The following ANK3 variants were observed in gnomAD, a reference collection of about 807,000 sequenced individuals.
ANK3 encodes the protein ankyrin 3, also known as ankyrin-3.
Under a neutral mutation model 370.9 loss-of-function variants are expected in ANK3, and 57 were observed. That is an observed-to-expected ratio of 0.15 (90% CI 0.12 to 0.19). The LOEUF is 0.19. ANK3 is among the 10% of genes least tolerant of loss of function. The pLI, the probability that ANK3 is intolerant of heterozygous loss-of-function variation, is 1.00. For missense variants in ANK3, 4,439 were observed against 5,302.1 expected (o/e 0.84, Z 5.06); for synonymous variants, 1,929 against 1,946.3 (o/e 0.99, Z 0.23).
intron 1 of ANK3, among the ~76,000 whole-genome samples, chr10:60,713,929 G>T (rs979243020): frequency 6.6e-6 from 1 of 151,250 alleles, no homozygotes; most frequent in African/African-American, 2.4e-5. Flanking sequence ...ATGGGAAATC[G>T]ATAGAGAATA....
At chr10:60,360,613 A>G (rs1488997944) in intron 1 of ANK3, among the ~76,000 whole-genome samples, 1 of 152,008 alleles carries the variant, frequency 6.6e-6, no homozygotes, top group Admixed American at 6.6e-5. Flanking sequence ...GAAGGCTGAG[A>G]TGGGAGGATT....
At chr10:60,547,940 A>G (rs192957738) in intron 2 of ANK3, among the ~76,000 whole-genome samples, 7 of 152,240 alleles carry the variant, frequency 4.6e-5, no homozygotes, top group East Asian at 1.9e-4. Context: ...AAACTACATA[A>G]ATTTCCTTTC....
chr10:60,075,160 T>C lies in ANK3; in HGVS notation c.5721A>G (p.Glu1907=), dbSNP rs1217164084. 7 of 1,614,038 alleles carry C rather than the reference T, an allele frequency of 4.3e-6. No homozygotes were observed. The South Asian group carries it at 7.7e-5, about 18-fold the overall frequency. Residue 1907 remains glutamate, a synonymous_variant, in exon 37 of 44, where the codon GAA becomes GAG. Transcript: ENST00000280772. The stretch of plus-strand genomic sequence containing the variant: ...TCATCCGCATTAGGTCCTCTTTCAT[T>C]TCAGCTACATCTTTTAGTATCTCCT... ...SSQEILKDVA[E]MKEDLMRMTA... is the part of the protein sequence containing the mutation.
At chr10:60,374,152 G>A (rs937103937) in intron 1 of ANK3, among the ~76,000 whole-genome samples, 1 of 151,834 alleles carries the variant, frequency 6.6e-6, no homozygotes, top group Non-Finnish European at 1.5e-5. Context: ...GGATACTACT[G>A]GAGCTGGGAA....
At chr10:60,638,419 C>T (rs1319161080) in intron 1 of ANK3, among the ~76,000 whole-genome samples, 9 of 152,046 alleles carry the variant, frequency 5.9e-5, no homozygotes, top group Non-Finnish European at 7.4e-5. Context: ...GTAACAACTA[C>T]ATAACAGAGC....
intron 30 of ANK3, among the ~76,000 whole-genome samples, chr10:60,086,088 C>A (rs2086626714): frequency 6.6e-6 from 1 of 152,152 alleles, no homozygotes; most frequent in Admixed American, 6.5e-5. Flanking sequence ...CTTGGAATTG[C>A]AGTTAAAAAT....
intron 9 of ANK3, among the ~76,000 whole-genome samples, chr10:60,209,734 TTTTGC>T (rs2096823007): frequency 6.6e-6 from 1 of 152,200 alleles, no homozygotes; most frequent in African/African-American, 2.4e-5. Flanking sequence ...CAAAATATTC[TTTTGC>T]TTTATGTTTT....
chr10:60,213,981 TAA>T (rs1244838651), intron 8 of ANK3, among the ~76,000 whole-genome samples: 3 of 152,144 alleles, frequency 2.0e-5, no homozygotes, highest in East Asian at 3.8e-4. Flanking sequence ...TGAAATTATA[TAA>T]GTTTAAATTT....
chr10:60,072,665 T>C lies in ANK3; in HGVS notation c.8216A>G (p.Lys2739Arg). The C allele has an allele frequency of 6.2e-7, 1 of 1,614,124 alleles. No individual in the cohort carries two copies. The highest frequency in any genetic ancestry group is 1.1e-5 in the South Asian group (1 of 91,052). Residue 2739 changes from lysine to arginine, a missense_variant, in exon 37 of 44, where the codon AAG (lysine) becomes AGG (arginine). Transcript: ENST00000280772. Reference protein sequence around the residue: ...KSKDMSQEDRKSDGQSRIPVK... With the variant: ...KSKDMSQEDRRSDGQSRIPVK... ...TGGGATTCTGGACTGGCCATCTGAC[T>C]TTCTGTCTTCTTGAGACATGTCCTT...
rs868833529 is a variant in ANK3 at position 60,446,334 on chromosome 10, C to T, written c.97-166695G>A. Among the ~76,000 whole-genome samples the T allele has an allele frequency of 1.3e-4, 20 of 152,212 alleles. No homozygotes were observed. In the South Asian group the frequency reaches 3.5e-3, roughly 27 times the overall value. ...CATCTCAGAGCATGGTCCATTATGC[C>T]CTGCAAATTTACTCTTCTCCAAGCC... On this transcript the variant is annotated intron_variant, in intron 2 of 43. Transcript: ENST00000373827.
At chr10:60,364,850 A>C (rs1178502271) in intron 1 of ANK3, among the ~76,000 whole-genome samples, 3 of 151,628 alleles carry the variant, frequency 2.0e-5, no homozygotes, top group Non-Finnish European at 2.9e-5. Flanking sequence ...TGTTTTAAAC[A>C]AATAACAAAA....
intron 24 of ANK3, chr10:60,137,334 C>G: frequency 3.1e-6 from 1 of 325,044 alleles, no homozygotes; most frequent in East Asian, 8.2e-5. Flanking sequence ...AGTGCCATGT[C>G]TTCTTACCTT....
intron 25 of ANK3, among the ~76,000 whole-genome samples, chr10:60,121,378 C>CAAAAA (rs201473806): frequency 7.4e-6 from 1 of 135,520 alleles, no homozygotes; most frequent in Non-Finnish European, 1.6e-5. Context: ...TAAAATGCAC[C>CAAAAA]AAAAAAAAAA....
At chr10:60,512,287 C>T (rs1335407505) in intron 2 of ANK3, among the ~76,000 whole-genome samples, 1 of 152,102 alleles carries the variant, frequency 6.6e-6, no homozygotes, top group Non-Finnish European at 1.5e-5. Flanking sequence ...AACCAACACT[C>T]TCATGTCTTC....
At chr10:60,457,105 T>C (rs1464731631) in intron 2 of ANK3, among the ~76,000 whole-genome samples, 1 of 152,130 alleles carries the variant, frequency 6.6e-6, no homozygotes, top group Non-Finnish European at 1.5e-5. Flanking sequence ...CTTAAGTCTC[T>C]CTACCTTGAC....
At chr10:60,268,386 A>C (rs11815504) in intron 5 of ANK3, among the ~76,000 whole-genome samples, 7,007 of 152,232 alleles carry the variant, frequency 0.046, 581 homozygotes, top group African/African-American at 0.16. Flanking sequence ...TCTACTATGG[A>C]CATTTTCCTA....
intron 1 of ANK3, among the ~76,000 whole-genome samples, chr10:60,631,896 G>A (rs911038499): frequency 5.9e-5 from 9 of 151,982 alleles, no homozygotes; most frequent in African/African-American, 2.2e-4. Flanking sequence ...ACTATTTATG[G>A]TAAGGCTACC....
intron 1 of ANK3, among the ~76,000 whole-genome samples, chr10:60,331,467 GACTT>G (rs2051282175): frequency 6.6e-6 from 1 of 150,634 alleles, no homozygotes; most frequent in Non-Finnish European, 1.5e-5. Flanking sequence ...GTTAACAGAC[GACTT>G]ACTTTAAAAA....
chr10:60,114,215 G>C lies in ANK3; in HGVS notation c.2948+10C>G, dbSNP rs2092925513. ...GTAGGATAATGAAAAGTGACATTTA[G>C]GTTACTTACCCAGAATGAATGGGGC... On this transcript the variant is annotated intron_variant, in intron 26 of 43. Transcript: ENST00000280772. The C allele has an allele frequency of 6.5e-7, 1 of 1,541,294 alleles. No individual in the cohort carries two copies. The highest frequency in any genetic ancestry group is 8.9e-7 in the Non-Finnish European group (1 of 1,124,292).
Sources: allele counts gnomAD v4.1 joint callset (sites outside exome capture counted in the v4.1 genomes callset), GRCh38; gene constraint gnomAD v4.1.1; transcripts MANE v1.5; gene names NCBI Gene and HGNC (gene_info 2026-07-23, HGNC 2026-07-21).